Variants in FAM222B observed in about 807,000 individuals in gnomAD.
The protein encoded by FAM222B is protein FAM222B.
FAM222B carries 12 observed loss-of-function variants against 38.0 expected under a neutral mutation model. The ratio of observed to expected loss-of-function variants is 0.32; its 90% CI spans 0.20 to 0.51. The LOEUF is 0.51. Ranked by LOEUF, FAM222B falls within the 20% of genes least tolerant of loss-of-function variation. The pLI is 0.97. For synonymous variants in FAM222B, 329 were observed against 317.2 expected (o/e 1.04, Z -0.40); for missense variants, 716 against 754.2 (o/e 0.95, Z 0.59).
At chr17:28,775,395 C>T (rs80157463) in intron 1 of FAM222B, among the ~76,000 whole-genome samples, 3 of 151,224 alleles carry the variant, frequency 2.0e-5, no homozygotes, top group Admixed American at 6.6e-5. Flanking sequence ...AGCATAGCCT[C>T]GCCACTCACA....
intron 1 of FAM222B, among the ~76,000 whole-genome samples, chr17:28,791,675 ATT>A (rs869183871): frequency 1.3e-4 from 15 of 116,844 alleles, no homozygotes; most frequent in African/African-American, 2.3e-4. Flanking sequence ...GAGCCCAGGA[ATT>A]TTTTTTTTTT....
Position 28,800,029 on chromosome 17 carries a change from ACTTT to A in FAM222B, c.-40-33326_-40-33323del, listed in dbSNP as rs539861367. On this transcript the variant is annotated intron_variant, in intron 1 of 2. Coordinates refer to ENST00000581407, the MANE Select transcript of FAM222B (RefSeq NM_001077498.3). ...GGCATTTCTCTGGTTGAGCAATGAT[ACTTT>A]CTTTTTTTTTTTTTTGAGACGGAGT... is the stretch of plus-strand genomic sequence containing the variant. 4.3e-3 allele frequency among the ~76,000 whole-genome samples: 642 copies of A among 148,764 alleles called. 2 individuals are homozygous for A. The highest frequency in any genetic ancestry group is 0.015 in the African/African-American group (623 of 40,700).
intron 1 of FAM222B, among the ~76,000 whole-genome samples, chr17:28,817,095 G>A (rs2038052191): frequency 6.6e-6 from 1 of 151,880 alleles, no homozygotes; most frequent in South Asian, 2.1e-4. Flanking sequence ...AGTTTAGTTA[G>A]AGAAGACATG....
chr17:28,761,949 T>G (rs2035093767), intron 2 of FAM222B: 1 of 152,144 alleles, frequency 6.6e-6, no homozygotes, highest in African/African-American at 2.4e-5. Context: ...GCTGGTGGGC[T>G]TCTCTCCTTG....
intron 1 of FAM222B, among the ~76,000 whole-genome samples, chr17:28,853,718 T>C (rs1047135675): frequency 1.3e-5 from 2 of 152,120 alleles, no homozygotes; most frequent in African/African-American, 4.8e-5. Flanking sequence ...AGCTTGCTAG[T>C]GGATGCTTTA....
rs900018640 is a variant in FAM222B at position 28,841,268 on chromosome 17, C to A, written c.-41+1414G>T. On this transcript the variant is annotated intron_variant, in intron 1 of 2. Coordinates refer to ENST00000581407, the MANE Select transcript of FAM222B (RefSeq NM_001077498.3). ...CGAGATGATGCCACTGCACTCCTGC[C>A]TGGCGACAGAGCGAGACTCCGTCTC... 3.9e-5 allele frequency among the ~76,000 whole-genome samples: 6 copies of A among 152,178 alleles called. No homozygotes were observed. In the East Asian group the frequency reaches 9.6e-4, roughly 24 times the overall value.
rs532725855 is a variant in FAM222B, at chr17:28,790,052, G to A, written c.-40-23345C>T. ...GAAATAAAAGAATGGCAGATTATTT[G>A]GGCATTTTTATGATTAAACATATAT... On this transcript the variant is annotated intron_variant, in intron 1 of 2. Transcript: ENST00000581407. 6.6e-5 allele frequency among the ~76,000 whole-genome samples: 10 copies of A among 152,148 alleles called. No individual in the cohort carries two copies. The South Asian group carries it at 1.9e-3, about 28-fold the overall frequency.
Position 28,763,846 on chromosome 17 carries a change from A to G in FAM222B, c.82+2740T>C, listed in dbSNP as rs149104349. On this transcript the variant is annotated intron_variant, in intron 2 of 2. Coordinates refer to ENST00000581407, the MANE Select transcript of FAM222B (RefSeq NM_001077498.3). ...TTGACAAATGTTAGCTATTATTTCTATGACTTTATCCAGTCATTGGGTCAA... is the reference window on the plus strand; with the variant it reads ...TTGACAAATGTTAGCTATTATTTCTGTGACTTTATCCAGTCATTGGGTCAA... Among the ~76,000 whole-genome samples, 1,133 of 152,328 alleles carry G rather than the reference A, an allele frequency of 7.4e-3. 5 individuals are homozygous for G. The highest frequency in any genetic ancestry group is 0.013 in the Non-Finnish European group (857 of 68,026).
At chr17:28,807,380 T>G (rs1045912153) in intron 1 of FAM222B, among the ~76,000 whole-genome samples, 8 of 151,544 alleles carry the variant, frequency 5.3e-5, no homozygotes, top group African/African-American at 7.3e-5. Context: ...GTGTGTGTGT[T>G]TTTTTGTTTG....
intron 1 of FAM222B, among the ~76,000 whole-genome samples, chr17:28,801,033 C>T (rs1405578130): frequency 1.3e-5 from 2 of 151,838 alleles, no homozygotes; most frequent in African/African-American, 4.8e-5. Context: ...TGGCAGGCGC[C>T]TGTAACCCAG....
chr17:28,764,361 G>T (rs2035231422), intron 2 of FAM222B, among the ~76,000 whole-genome samples: 1 of 150,838 alleles, frequency 6.6e-6, no homozygotes, highest in Non-Finnish European at 1.5e-5. Flanking sequence ...AGAATCACTT[G>T]AACTTGGGAG....
At chr17:28,846,435 A>G (rs1252011281), upstream of FAM222B, among the ~76,000 whole-genome samples, 1 of 151,994 alleles carries the variant, frequency 6.6e-6, no homozygotes, top group African/African-American at 2.4e-5. Flanking sequence ...TAATGTCATC[A>G]CTTTGGGAGG....
At chr17:28,807,239 C>T (rs2037534886) in intron 1 of FAM222B, among the ~76,000 whole-genome samples, 2 of 152,128 alleles carry the variant, frequency 1.3e-5, no homozygotes, top group Non-Finnish European at 2.9e-5. Flanking sequence ...TGGTCTTGAA[C>T]TCCCGAACTC....
chr17:28,784,171 C>G (rs1490438006), intron 1 of FAM222B, among the ~76,000 whole-genome samples: 1 of 151,944 alleles, frequency 6.6e-6, no homozygotes, highest in Non-Finnish European at 1.5e-5. Context: ...ACACAGTAAA[C>G]ATTATTTACA....
intron 1 of FAM222B, among the ~76,000 whole-genome samples, chr17:28,800,527 C>A (rs1236103300): frequency 1.3e-5 from 2 of 152,180 alleles, no homozygotes; most frequent in Non-Finnish European, 1.5e-5. Flanking sequence ...AAGAATGACA[C>A]ATTTCAGTTG....
chr17:28,758,381 G>A lies in FAM222B; in HGVS notation c.1578C>T (p.Phe526=). The A allele has an allele frequency of 6.2e-7, 1 of 1,613,978 alleles. No homozygotes were observed. Among genetic ancestry groups the A allele is most frequent in the Non-Finnish European group, 8.5e-7 (1 of 1,179,894 alleles). Residue 526 remains phenylalanine, a synonymous_variant, in exon 3 of 3, where the codon TTC becomes TTT. Coordinates refer to ENST00000581407, the MANE Select transcript of FAM222B (RefSeq NM_001077498.3). ...TCAGCATGGCCAGGCTCTGTTCTCG[G>A]AAGCAGGCCTGTTGGAAATCCCCAC... ...YLSGDFQQAC[F]REQSLAMLSK...
chr17:28,786,054 G>C (rs1362178220), intron 1 of FAM222B, among the ~76,000 whole-genome samples: 1 of 151,672 alleles, frequency 6.6e-6, no homozygotes, highest in Non-Finnish European at 1.5e-5. Flanking sequence ...GGATGGTCTC[G>C]ATCTCCTCAC....
chr17:28,814,674 C>T (rs1463172112), intron 1 of FAM222B, among the ~76,000 whole-genome samples: 5 of 152,118 alleles, frequency 3.3e-5, no homozygotes, highest in African/African-American at 1.2e-4. Flanking sequence ...GCCATGGTGG[C>T]CAGGCTAGTC....
intron 1 of FAM222B, among the ~76,000 whole-genome samples, chr17:28,777,760 G>C (rs1296580753): frequency 2.6e-5 from 4 of 151,714 alleles, no homozygotes; most frequent in African/African-American, 7.3e-5. Flanking sequence ...TGAGAGGAAA[G>C]AGGAGATAAA....
Sources: allele counts gnomAD v4.1 joint callset (sites outside exome capture counted in the v4.1 genomes callset), GRCh38; gene constraint gnomAD v4.1.1; transcripts MANE v1.5; gene names NCBI Gene and HGNC (gene_info 2026-07-23, HGNC 2026-07-21).